Variants in GPC6 observed in about 807,000 individuals in gnomAD.
The protein encoded by GPC6 is glypican 6, also known as glypican-6.
GPC6 carries 14 observed loss-of-function variants against 55.2 expected under a neutral mutation model. That is an observed-to-expected ratio of 0.25 (90% confidence interval 0.17 to 0.40). The LOEUF (loss-of-function observed/expected upper bound fraction) is 0.40, where lower values mean the gene tolerates loss of function less well. Ranked by LOEUF, GPC6 falls within the 10% of genes least tolerant of loss-of-function variation. The probability of loss-of-function intolerance (pLI) is 1.00; values close to 1 mark genes in which losing one functional copy is unlikely to be tolerated. For missense variants in GPC6, 641 were observed against 708.5 expected, an observed-to-expected ratio of 0.90 and a Z score of 1.08; for synonymous variants, 278 against 259.6, an observed-to-expected ratio of 1.07 and a Z score of -0.68.
chr13:94,097,298 C>T lies in GPC6; in HGVS notation c.877+69404C>T, dbSNP rs539741850. On this transcript the variant is annotated intron_variant, in intron 4 of 8. Transcript: ENST00000377047. Reference sequence around the variant, plus strand: ...CGGGTGGATCACGAGGTCAGGAGATCGAGACCATCCTGGCTAACACGGTGA... The same window carrying T: ...CGGGTGGATCACGAGGTCAGGAGATTGAGACCATCCTGGCTAACACGGTGA... Among the ~76,000 whole-genome samples, 10 of 151,894 alleles carry T rather than the reference C, an allele frequency of 6.6e-5. 1 individual carries two copies. Among genetic ancestry groups the T allele is most frequent in the Admixed American group, 5.9e-4 (9 of 15,262 alleles).
intron 2 of GPC6, among the ~76,000 whole-genome samples, chr13:93,746,384 C>T (rs956091753): frequency 6.6e-6 from 1 of 152,060 alleles, no homozygotes; most frequent in African/African-American, 2.4e-5. Context: ...ATGAAGAGTC[C>T]AAGACAACGC....
At chr13:93,514,170 G>T (rs1281731279) in intron 1 of GPC6, among the ~76,000 whole-genome samples, 1 of 152,018 alleles carries the variant, frequency 6.6e-6, no homozygotes, top group African/African-American at 2.4e-5. Context: ...ACCACTCCTG[G>T]TCACATTCAT....
At chr13:93,715,800 T>G (rs991795733) in intron 2 of GPC6, among the ~76,000 whole-genome samples, 1 of 151,660 alleles carries the variant, frequency 6.6e-6, no homozygotes, top group Non-Finnish European at 1.5e-5. Context: ...AAATAATGTA[T>G]GTGTAACCAA....
At chr13:93,587,009 G>A (rs1296990012) in intron 2 of GPC6, among the ~76,000 whole-genome samples, 1 of 152,120 alleles carries the variant, frequency 6.6e-6, no homozygotes, top group East Asian at 1.9e-4. Flanking sequence ...CAGTCTCATA[G>A]TCTAAGGACC....
intron 6 of GPC6, among the ~76,000 whole-genome samples, chr13:94,373,099 C>T (rs1221185335): frequency 1.3e-5 from 2 of 152,190 alleles, no homozygotes; most frequent in East Asian, 1.9e-4. Context: ...GTAGATAAAA[C>T]CACAAAAATG....
chr13:94,123,558 T>C (rs1031496939), intron 4 of GPC6, among the ~76,000 whole-genome samples: 10 of 152,112 alleles, frequency 6.6e-5, no homozygotes, highest in African/African-American at 2.4e-4. Flanking sequence ...TACTAAGATA[T>C]GATGGTATAA....
intron 4 of GPC6, among the ~76,000 whole-genome samples, chr13:94,255,435 A>G (rs996910048): frequency 2.0e-5 from 3 of 152,188 alleles, no homozygotes; most frequent in African/African-American, 7.2e-5. Flanking sequence ...TTACCACTAT[A>G]GAAACAGGGA....
At chr13:93,939,468 G>A (rs193130756) in intron 3 of GPC6, among the ~76,000 whole-genome samples, 5 of 143,590 alleles carry the variant, frequency 3.5e-5, no homozygotes, top group South Asian at 2.3e-4. Flanking sequence ...AATTTTGGCA[G>A]CCTGTATTAT....
At chr13:93,703,441 T>C (rs1369269431) in intron 2 of GPC6, among the ~76,000 whole-genome samples, 3 of 151,972 alleles carry the variant, frequency 2.0e-5, no homozygotes, top group African/African-American at 4.8e-5. Context: ...CATGAATCCA[T>C]GCTGTTGTAA....
chr13:93,354,500 G>A (rs1421458094), intron 1 of GPC6, among the ~76,000 whole-genome samples: 12 of 148,946 alleles, frequency 8.1e-5, no homozygotes, highest in East Asian at 2.0e-4. Context: ...ACAGGTGCCC[G>A]CTACCACACT....
At chr13:94,390,089 A>G (rs1374027771) in intron 7 of GPC6, among the ~76,000 whole-genome samples, 4 of 152,228 alleles carry the variant, frequency 2.6e-5, no homozygotes, top group Non-Finnish European at 5.9e-5. Flanking sequence ...AAATCTAGAA[A>G]ATAGATCAGT....
chr13:93,557,480 T>C (rs1875540601), intron 2 of GPC6, among the ~76,000 whole-genome samples: 2 of 152,280 alleles, frequency 1.3e-5, no homozygotes, highest in South Asian at 4.1e-4. Flanking sequence ...TTAAGGAAGA[T>C]AAAAACATAC....
intron 1 of GPC6, among the ~76,000 whole-genome samples, chr13:93,531,354 A>C (rs991739593): frequency 6.6e-6 from 1 of 152,098 alleles, no homozygotes; most frequent in African/African-American, 2.4e-5. Context: ...TAAGACTGTG[A>C]GACTGGCAAG....
intron 2 of GPC6, among the ~76,000 whole-genome samples, chr13:93,808,007 A>G (rs1300736158): frequency 1.3e-5 from 2 of 152,176 alleles, no homozygotes; most frequent in Admixed American, 6.5e-5. Context: ...TAGATGGGTG[A>G]CTTAGACAAC....
chr13:93,444,511 G>A (rs1245633088), intron 1 of GPC6, among the ~76,000 whole-genome samples: 2 of 152,166 alleles, frequency 1.3e-5, no homozygotes, highest in Non-Finnish European at 2.9e-5. Flanking sequence ...GGAGACTGCG[G>A]CAGAAGAATC....
chr13:93,253,319 TTG>T (rs1472778192), intron 1 of GPC6, among the ~76,000 whole-genome samples: 1 of 152,230 alleles, frequency 6.6e-6, no homozygotes, highest in African/African-American at 2.4e-5. Context: ...GAATAATAAA[TTG>T]TGCTTCTGGA....
chr13:93,586,578 T>C (rs1337099296), intron 2 of GPC6, among the ~76,000 whole-genome samples: 1 of 152,220 alleles, frequency 6.6e-6, no homozygotes, highest in Non-Finnish European at 1.5e-5. Flanking sequence ...AGATTGAAAC[T>C]GGACCCCTTC....
chr13:93,801,737 A>G (rs192874775), intron 2 of GPC6, among the ~76,000 whole-genome samples: 151 of 152,332 alleles, frequency 9.9e-4, no homozygotes, highest in African/African-American at 3.2e-3. Flanking sequence ...GAAGGGTCCA[A>G]TTGGGAATTC....
intron 6 of GPC6, among the ~76,000 whole-genome samples, chr13:94,334,387 GCC>G (rs1208902591): frequency 6.6e-6 from 1 of 152,198 alleles, no homozygotes; most frequent in Non-Finnish European, 1.5e-5. Flanking sequence ...AAATACCAGT[GCC>G]CCCTGATTCT....
Sources: allele counts gnomAD v4.1 joint callset (sites outside exome capture counted in the v4.1 genomes callset), GRCh38; gene constraint gnomAD v4.1.1; transcripts MANE v1.5; gene names NCBI Gene and HGNC (gene_info 2026-07-23, HGNC 2026-07-21).